The following CDC25A variants were observed in gnomAD, a reference collection of about 807,000 sequenced individuals.
CDC25A encodes cell division cycle 25A.
Under a neutral mutation model 64.6 loss-of-function variants are expected in CDC25A, and 17 were observed. That is an observed-to-expected ratio of 0.26 (90% CI 0.18 to 0.39). The LOEUF (loss-of-function observed/expected upper bound fraction) is 0.39, where lower values mean the gene tolerates loss of function less well. Ranked by LOEUF, CDC25A falls within the 10% of genes least tolerant of loss-of-function variation. CDC25A has a pLI of 1.00. For synonymous variants in CDC25A, 229 were observed against 238.6 expected (o/e 0.96, Z 0.37); for missense variants, 473 against 654.8 (o/e 0.72, Z 3.03).
At chr3:48,184,333 AGAGT>A (rs1458844415) in intron 3 of CDC25A, among the ~76,000 whole-genome samples, 2 of 152,194 alleles carry the variant, frequency 1.3e-5, no homozygotes, top group Non-Finnish European at 2.9e-5. Context: ...CCTGGGCGGC[AGAGT>A]GAGACTCTGC....
intron 2 of CDC25A, among the ~76,000 whole-genome samples, chr3:48,185,422 CAAA>C (rs35677711): frequency 1.6e-4 from 14 of 89,416 alleles, no homozygotes; most frequent in Admixed American, 2.5e-4. Context: ...GACCCTGTCT[CAAA>C]AAAAAAAAAA....
rs2032453408 is a variant in CDC25A, at chr3:48,176,300, TG to T, written c.756+1070del. 2.0e-5 allele frequency among the ~76,000 whole-genome samples: 3 copies of T among 152,110 alleles called. No homozygotes were observed. The South Asian group carries it at 6.2e-4, about 31-fold the overall frequency. On this transcript the variant is annotated intron_variant, in intron 8 of 14. Transcript: ENST00000302506. Reference sequence around the variant, plus strand: ...ATGTGTACCTAAGGGTGTATATCTCTGAACATACAGGTGTATATATCTGTAT... The same window carrying T: ...ATGTGTACCTAAGGGTGTATATCTCTAACATACAGGTGTATATATCTGTAT...
At position 48,164,482 on chromosome 3, in the gene CDC25A, T is replaced by C. The variant is rs767808683; in HGVS notation, c.1192-45A>G. On this transcript the variant is annotated intron_variant, in intron 12 of 14. Coordinates refer to ENST00000302506, the MANE Select transcript of CDC25A (RefSeq NM_001789.3). Reference sequence around the variant, plus strand: ...CCTTGGAACCTGCACGTTTCACACATGAAGTAATGATTCAGCAAGATGTAA... The same window carrying C: ...CCTTGGAACCTGCACGTTTCACACACGAAGTAATGATTCAGCAAGATGTAA... 6 of 1,442,874 alleles carry C rather than the reference T, an allele frequency of 4.2e-6. No individual in the cohort carries two copies. The Admixed American group carries it at 1.7e-4, about 41-fold the overall frequency. The allele number at this position is 1,442,874 out of a possible 1,614,324, so 89.4% of individuals were successfully genotyped here. A position where few individuals can be genotyped will look rare whatever the true frequency, so the allele number is the denominator to read the frequency against.
intron 1 of CDC25A, among the ~76,000 whole-genome samples, chr3:48,187,236 G>C (rs1001468933): frequency 6.6e-6 from 1 of 152,190 alleles, no homozygotes; most frequent in Non-Finnish European, 1.5e-5. Context: ...AGCCCAGGAA[G>C]CTTTCTGAAA....
rs77491117 is a variant in CDC25A, at chr3:48,165,165, C to T, written c.1191+471G>A. Among the ~76,000 whole-genome samples, 1,075 of 148,682 alleles carry T rather than the reference C, an allele frequency of 7.2e-3. 9 individuals carry two copies. The highest frequency in any genetic ancestry group is 0.014 in the Non-Finnish European group (907 of 67,094). On this transcript the variant is annotated intron_variant, in intron 12 of 14. Coordinates refer to ENST00000302506, the MANE Select transcript of CDC25A (RefSeq NM_001789.3). ...AAATCAGTTCCTTTCTTCTTGGGAA[C>T]GTGTGTCCCAACACGCCCCTCCACC...
chr3:48,162,757 A>G (rs1304065128), intron 13 of CDC25A, among the ~76,000 whole-genome samples: 3 of 151,972 alleles, frequency 2.0e-5, no homozygotes, highest in Non-Finnish European at 4.4e-5. Context: ...CTGAGGCAGG[A>G]GAATGGCATG....
At chr3:48,177,773 G>T in intron 7 of CDC25A, 81 bp downstream of exon 7, 1 of 1,545,246 alleles carries the variant, frequency 6.5e-7, no homozygotes, top group Non-Finnish European at 8.9e-7. Flanking sequence ...TGCTGTTGCT[G>T]TTCTTTTTCA....
In CDC25A at chr3:48,157,666, T is replaced by C. The variant is rs1268500234; in HGVS notation, c.*1279A>G. 1 of 152,586 alleles carries C rather than the reference T, an allele frequency of 6.6e-6. No homozygotes were observed. The highest frequency in any genetic ancestry group is 1.5e-5 in the Non-Finnish European group (1 of 68,034). 9.5% of individuals were successfully genotyped at this position (152,586 alleles called of 1,614,324 possible). ...AAATTCCCACTTTTATGGAGTTAGA[T>C]AAGGGGACAACCGGTGATGATTCAT... On this transcript the variant is annotated 3_prime_UTR_variant, in exon 15 of 15. Coordinates refer to ENST00000302506, the MANE Select transcript of CDC25A (RefSeq NM_001789.3).
chr3:48,187,482 C>A lies in CDC25A; in HGVS notation c.170+296G>T, dbSNP rs1001754138. 3.3e-5 allele frequency among the ~76,000 whole-genome samples: 5 copies of A among 152,208 alleles called. No homozygotes were observed. The East Asian group carries it at 9.6e-4, about 29-fold the overall frequency. ...CGCGGGGGTAGATTCCAAAGAGCTT[C>A]CAGGGATAGAGATAGAAGGAGAGTA... On this transcript the variant is annotated intron_variant, in intron 1 of 14. Transcript: ENST00000302506.
chr3:48,165,126 A>AAAAAAAAAAT, intron 12 of CDC25A, among the ~76,000 whole-genome samples: 1 of 149,876 alleles, frequency 6.7e-6, no homozygotes, highest in East Asian at 2.0e-4. Context: ...AAAAAAAAAA[A>AAAAAAAAAAT]GATTAAAATG....
chr3:48,166,003 G>T, intron 10 of CDC25A, 110 bp from the exon 11 acceptor site: 1 of 768,432 alleles, frequency 1.3e-6, no homozygotes, highest in Admixed American at 2.1e-5. Context: ...AAACATTAAT[G>T]GCCAGGCACG....
Position 48,167,881 on chromosome 3 carries a change from T to G in CDC25A, c.994A>C (p.Asn332His). The change falls in exon 10 of 15, where the codon AAT becomes CAT. Residue 332 changes from asparagine (N) to histidine (H), a missense_variant. By Grantham distance (68) the Asn-to-His change is moderately conservative. Around this residue, in one of 2 missense-constraint regions of CDC25A, gnomAD observed 376 missense variants for 431.9 expected, o/e 0.87. Coordinates refer to ENST00000302506, the MANE Select transcript of CDC25A (RefSeq NM_001789.3). ...PKGTIENILDNDPRDLIGDFS... is the reference protein window; with the variant it reads ...PKGTIENILDHDPRDLIGDFS... Reference sequence around the variant, plus strand: ...TCTCCTATAAGGTCCCTTGGGTCATTGTCCAAAATGTTCTCAATGGTTCCT... The same window carrying G: ...TCTCCTATAAGGTCCCTTGGGTCATGGTCCAAAATGTTCTCAATGGTTCCT... 1 of 1,609,478 alleles carries G rather than the reference T, an allele frequency of 6.2e-7. No individual in the cohort carries two copies. Among genetic ancestry groups the G allele is most frequent in the Non-Finnish European group, 8.5e-7 (1 of 1,175,808 alleles).
chr3:48,164,804 C>T (rs962895324), intron 12 of CDC25A, among the ~76,000 whole-genome samples: 2 of 151,954 alleles, frequency 1.3e-5, no homozygotes, highest in African/African-American at 2.4e-5. Flanking sequence ...CACTATTAAT[C>T]GGGTAAAACA....
chr3:48,186,381 CA>C (rs1051523152), intron 2 of CDC25A, among the ~76,000 whole-genome samples: 1 of 152,022 alleles, frequency 6.6e-6, no homozygotes, highest in African/African-American at 2.4e-5. Context: ...CCAGGCTGAC[CA>C]ACATGAAGAA....
chr3:48,182,816 C>A, intron 5 of CDC25A, 113 bp downstream of exon 5: 2 of 692,392 alleles, frequency 2.9e-6, no homozygotes, highest in Non-Finnish European at 2.6e-6. Flanking sequence ...CTCCAAAGAC[C>A]GCACATAATG....
chr3:48,157,178 A>T lies in CDC25A; in HGVS notation c.*1767T>A, dbSNP rs1463248063. ...ATCCATCAAGAACTAGGCAGAGAGC[A>T]TGGGTTCAAGATCTTTTATTTTCAG... On this transcript the variant is annotated 3_prime_UTR_variant, in exon 15 of 15. Coordinates refer to ENST00000302506, the MANE Select transcript of CDC25A (RefSeq NM_001789.3). The T allele has an allele frequency of 6.6e-6, 1 of 152,214 alleles. No individual in the cohort carries two copies. The highest frequency in any genetic ancestry group is 2.4e-5 in the African/African-American group (1 of 41,452). The allele number at this position is 152,214 out of a possible 1,614,324, so 9.4% of individuals were successfully genotyped here. A position where few individuals can be genotyped will look rare whatever the true frequency, so the allele number is the denominator to read the frequency against.
intron 9 of CDC25A, among the ~76,000 whole-genome samples, chr3:48,168,867 G>T (rs1372775662): frequency 6.6e-6 from 1 of 152,066 alleles, no homozygotes; most frequent in East Asian, 1.9e-4. Flanking sequence ...TGGCCAGATG[G>T]TCTTGAACTC....
intron 13 of CDC25A, among the ~76,000 whole-genome samples, chr3:48,159,948 C>T (rs563313991): frequency 2.0e-5 from 3 of 152,210 alleles, no homozygotes; most frequent in African/African-American, 4.8e-5. Context: ...CTTACTGCCT[C>T]GCCCTTGGTG....
chr3:48,177,534 A>G, intron 7 of CDC25A, 92 bp from the exon 8 acceptor site: 3 of 944,918 alleles, frequency 3.2e-6, no homozygotes, highest in South Asian at 1.4e-5. Context: ...GAACAATACC[A>G]GATAGGCCTG....
Sources: gnomAD v4.1 joint callset for allele counts (sites outside exome capture counted in the v4.1 genomes callset) on GRCh38, gnomAD v4.1.1 for gene constraint, gnomAD v4.1.1 regional missense constraint, MANE v1.5 for transcripts, NCBI Gene and HGNC (gene_info 2026-07-23, HGNC 2026-07-21) for gene names.